The following CSMD1 variants were observed in gnomAD, a reference collection of about 807,000 sequenced individuals.
CSMD1 encodes the protein CUB and Sushi multiple domains 1.
A neutral mutation model predicts 417.5 loss-of-function variants in CSMD1; 213 were observed. The ratio of observed to expected loss-of-function variants is 0.51; its 90% CI spans 0.46 to 0.57. CSMD1 has a LOEUF of 0.57. Ranked by LOEUF, CSMD1 falls within the 20% of genes least tolerant of loss-of-function variation. CSMD1 has a pLI of 0.00. For missense variants in CSMD1, 6,923 were observed against 4,529.7 expected, an observed-to-expected ratio of 1.53 and a Z score of -15.17; for synonymous variants, 2,862 against 1,736.8, an observed-to-expected ratio of 1.65 and a Z score of -16.11.
At chr8:3,996,220 A>G (rs890620848) in intron 5 of CSMD1, among the ~76,000 whole-genome samples, 20 of 152,188 alleles carry the variant, frequency 1.3e-4, no homozygotes, top group African/African-American at 4.8e-4. Context: ...CTTACTAGCA[A>G]GGTGTGCAGT....
At chr8:4,829,696 C>G (rs1436138833) in intron 1 of CSMD1, among the ~76,000 whole-genome samples, 1 of 149,850 alleles carries the variant, frequency 6.7e-6, no homozygotes, top group Non-Finnish European at 1.5e-5. Flanking sequence ...CATCTTTGCA[C>G]CTCTGCACTC....
intron 5 of CSMD1, among the ~76,000 whole-genome samples, chr8:3,824,160 A>C (rs935156264): frequency 1.4e-4 from 21 of 152,204 alleles, no homozygotes; most frequent in Middle Eastern, 3.4e-3. Context: ...AAACATTCCA[A>C]TGGAAATATC....
Position 4,275,868 on chromosome 8 carries a change from T to C in CSMD1, c.415+144085A>G, listed in dbSNP as rs565743344. Among the ~76,000 whole-genome samples, 13 of 152,332 alleles carry C rather than the reference T, an allele frequency of 8.5e-5. No homozygotes were observed. In the East Asian group the frequency reaches 1.9e-3, roughly 23 times the overall value. On this transcript the variant is annotated intron_variant, in intron 3 of 69. Transcript: ENST00000635120. ...TATATGTTATTCCACAAGGCATGAA[T>C]TATAATTGGATGAACAATAAATTAA...
chr8:4,070,801 T>C (rs1799516080), intron 3 of CSMD1, among the ~76,000 whole-genome samples: 1 of 152,216 alleles, frequency 6.6e-6, no homozygotes, highest in African/African-American at 2.4e-5. Flanking sequence ...TAGCTTCCTC[T>C]GATTTTCTGA....
intron 3 of CSMD1, among the ~76,000 whole-genome samples, chr8:4,353,161 C>A (rs565839764): frequency 6.6e-6 from 1 of 152,150 alleles, no homozygotes; most frequent in Non-Finnish European, 1.5e-5. Context: ...ACAACTGTCA[C>A]CTTGAATTGT....
intron 3 of CSMD1, among the ~76,000 whole-genome samples, chr8:4,066,722 A>C (rs973198852): frequency 6.6e-6 from 1 of 152,166 alleles, no homozygotes; most frequent in East Asian, 1.9e-4. Flanking sequence ...TTTGTTTGGG[A>C]CGAGAGTGAA....
chr8:3,724,244 T>C lies in CSMD1; in HGVS notation c.932-15753A>G, dbSNP rs572840548. ...TTAAGTTTTAGGGTACATGTGCACATTGTGCAGGTTAGTTACATATGTATA... is the reference window on the plus strand; with the variant it reads ...TTAAGTTTTAGGGTACATGTGCACACTGTGCAGGTTAGTTACATATGTATA... On this transcript the variant is annotated intron_variant, in intron 6 of 69. Coordinates refer to ENST00000635120, the MANE Select transcript of CSMD1 (RefSeq NM_033225.6). Among the ~76,000 whole-genome samples, 27 of 152,098 alleles carry C rather than the reference T, an allele frequency of 1.8e-4. No homozygotes were observed. The South Asian group carries it at 5.6e-3, about 32-fold the overall frequency.
intron 3 of CSMD1, among the ~76,000 whole-genome samples, chr8:4,264,319 C>A (rs893013627): frequency 6.6e-6 from 1 of 152,136 alleles, no homozygotes; most frequent in African/African-American, 2.4e-5. Context: ...GCATGACATT[C>A]AATTTTCAGG....
chr8:3,236,254 T>C (rs4875392), intron 26 of CSMD1, among the ~76,000 whole-genome samples: 1,568 of 152,204 alleles, frequency 0.01, 89 homozygotes, highest in Admixed American at 0.089. Flanking sequence ...TATATATACA[T>C]TTAGAGCTAA....
chr8:4,788,289 G>A, intron 1 of CSMD1: 6 of 1,585,848 alleles, frequency 3.8e-6, no homozygotes, highest in Non-Finnish European at 4.3e-6. Context: ...TGTATTTGTG[G>A]CAGTGGCAGG....
At chr8:3,279,937 A>C (rs931675405) in intron 26 of CSMD1, among the ~76,000 whole-genome samples, 1 of 152,140 alleles carries the variant, frequency 6.6e-6, no homozygotes, top group African/African-American at 2.4e-5. Flanking sequence ...ATTCAAGGTG[A>C]GATTTGGGTG....
intron 1 of CSMD1, among the ~76,000 whole-genome samples, chr8:4,648,900 C>T (rs80303745): frequency 1.4e-3 from 220 of 152,230 alleles, no homozygotes; most frequent in African/African-American, 4.9e-3. Context: ...AGTGTGCTTC[C>T]GCATATACGT....
intron 26 of CSMD1, among the ~76,000 whole-genome samples, chr8:3,275,749 G>A (rs749545270): frequency 1.3e-5 from 2 of 152,004 alleles, no homozygotes; most frequent in Admixed American, 6.6e-5. Context: ...CATTCTTCAC[G>A]TAGTTCTGGA....
chr8:4,762,807 A>G (rs1812203405), intron 1 of CSMD1, among the ~76,000 whole-genome samples: 1 of 152,186 alleles, frequency 6.6e-6, no homozygotes, highest in Admixed American at 6.5e-5. Context: ...ATGTATCTAA[A>G]TTACACCATT....
intron 3 of CSMD1, among the ~76,000 whole-genome samples, chr8:4,399,952 T>C (rs1804536173): frequency 6.6e-6 from 1 of 152,186 alleles, no homozygotes; most frequent in South Asian, 2.1e-4. Flanking sequence ...TCTAGGGCTC[T>C]CTGGACCAAT....
chr8:4,588,157 G>T (rs1307543079), intron 2 of CSMD1, among the ~76,000 whole-genome samples: 1 of 151,962 alleles, frequency 6.6e-6, no homozygotes, highest in African/African-American at 2.4e-5. Flanking sequence ...ATTTTAAATG[G>T]CTAGTAAAAT....
intron 5 of CSMD1, among the ~76,000 whole-genome samples, chr8:3,985,514 G>C (rs1814254116): frequency 6.6e-6 from 1 of 152,060 alleles, no homozygotes; most frequent in South Asian, 2.1e-4. Flanking sequence ...TGTTTCAAGA[G>C]CCAGATACAA....
chr8:3,176,617 C>A (rs530435951), intron 37 of CSMD1, among the ~76,000 whole-genome samples: 1 of 152,246 alleles, frequency 6.6e-6, no homozygotes, highest in South Asian at 2.1e-4. Flanking sequence ...AAAATCCCAT[C>A]CACTTGGGAT....
At chr8:3,056,896 T>C (rs1812267776) in intron 49 of CSMD1, among the ~76,000 whole-genome samples, 1 of 152,038 alleles carries the variant, frequency 6.6e-6, no homozygotes, top group African/African-American at 2.4e-5. Flanking sequence ...AATTGTAATA[T>C]AAGAATATTC....
Sources: allele counts gnomAD v4.1 joint callset (sites outside exome capture counted in the v4.1 genomes callset), GRCh38; gene constraint gnomAD v4.1.1; transcripts MANE v1.5; gene names NCBI Gene and HGNC (gene_info 2026-07-23, HGNC 2026-07-21).